The following SP100 variants were observed in gnomAD, a reference collection of about 807,000 sequenced individuals.
SP100 encodes the protein SP100 nuclear body protein, also known as nuclear autoantigen Sp-100.
SP100 carries 84 observed loss-of-function variants against 130.0 expected under a neutral mutation model. That is an observed-to-expected ratio of 0.65 (90% CI 0.54 to 0.77). SP100 has a LOEUF of 0.77. SP100 is among the 30% of genes least tolerant of loss of function. The probability of loss-of-function intolerance (pLI) is 0.00; values close to 1 mark genes in which losing one functional copy is unlikely to be tolerated. For synonymous variants in SP100, 331 were observed against 351.7 expected (o/e 0.94, Z 0.66); for missense variants, 978 against 1,052.2 (o/e 0.93, Z 0.97).
At chr2:230,524,016 C>T (rs1691294195) in intron 24 of SP100, among the ~76,000 whole-genome samples, 1 of 151,340 alleles carries the variant, frequency 6.6e-6, no homozygotes, top group Non-Finnish European at 1.5e-5. Flanking sequence ...TTTGAGGTGA[C>T]AGAGCTTGGC....
chr2:230,422,971 A>G (rs1478691250), intron 2 of SP100, among the ~76,000 whole-genome samples: 2 of 152,232 alleles, frequency 1.3e-5, no homozygotes, highest in Non-Finnish European at 2.9e-5. Flanking sequence ...TAGCAGAACT[A>G]TAGCAGCCTC....
At chr2:230,509,107 C>T (rs1690384838) in intron 23 of SP100, 1 of 152,210 alleles carries the variant, frequency 6.6e-6, no homozygotes, top group African/African-American at 2.4e-5. Flanking sequence ...ACAGACCTCA[C>T]TTCTATCTGT....
At chr2:230,520,534 C>A (rs890668) in intron 24 of SP100, 128,076 of 152,150 alleles carry the variant, frequency 0.84, 54,261 homozygotes, top group Middle Eastern at 0.92. Context: ...CCTCTGCAAC[C>A]CCCAGCCAGG....
intron 17 of SP100, among the ~76,000 whole-genome samples, chr2:230,486,744 A>T (rs2066122418): frequency 1.3e-5 from 2 of 152,250 alleles, no homozygotes; most frequent in African/African-American, 4.8e-5. Context: ...ATCCTTGAGG[A>T]ATCACCATAC....
intron 20 of SP100, 38 bp downstream of exon 20, chr2:230,503,148 C>T: frequency 1.4e-6 from 2 of 1,402,352 alleles, no homozygotes; most frequent in South Asian, 1.2e-5. Context: ...CATAATTAAA[C>T]ATTTAATATT....
intron 2 of SP100, among the ~76,000 whole-genome samples, chr2:230,431,445 T>C (rs946924160): frequency 1.3e-5 from 2 of 152,184 alleles, no homozygotes; most frequent in African/African-American, 4.8e-5. Flanking sequence ...CTCTTACCCC[T>C]TCTAATGTGG....
chr2:230,438,742 C>A (rs2063379643), intron 2 of SP100, among the ~76,000 whole-genome samples: 1 of 150,866 alleles, frequency 6.6e-6, no homozygotes, highest in Non-Finnish European at 1.5e-5. Context: ...ATATATATAT[C>A]ACATTTCTTT....
chr2:230,506,713 A>G (rs1172303253), intron 22 of SP100: 8 of 315,076 alleles, frequency 2.5e-5, no homozygotes, highest in Non-Finnish European at 4.2e-5. Flanking sequence ...AAACTGTGCA[A>G]TTTGGTCACA....
chr2:230,472,422 C>T (rs1199245485), intron 15 of SP100, among the ~76,000 whole-genome samples: 4 of 95,764 alleles, frequency 4.2e-5, no homozygotes, highest in Non-Finnish European at 6.1e-5. Context: ...AGCAAGACTC[C>T]GTCTCAAAAA....
intron 21 of SP100, among the ~76,000 whole-genome samples, chr2:230,505,954 A>G (rs796844424): frequency 7.2e-5 from 11 of 152,300 alleles, no homozygotes; most frequent in African/African-American, 2.6e-4. Context: ...CTGACTCTAT[A>G]TCAGGTCTCA....
At chr2:230,532,306 G>A (rs1336335335) in intron 24 of SP100, among the ~76,000 whole-genome samples, 1 of 152,130 alleles carries the variant, frequency 6.6e-6, no homozygotes, top group Non-Finnish European at 1.5e-5. Context: ...GAATAGAAAT[G>A]TTTAAATGAT....
intron 24 of SP100, among the ~76,000 whole-genome samples, chr2:230,529,852 C>A (rs1244145016): frequency 6.6e-6 from 1 of 151,986 alleles, no homozygotes; most frequent in African/African-American, 2.4e-5. Context: ...GAATAAAATA[C>A]CTAGGAATCC....
At position 230,440,571 on chromosome 2, in the gene SP100, G is replaced by A. The variant is rs746686997; in HGVS notation, c.108-2366G>A. ...AATTAAACACATGTAAGTAAATGGAGAGATATACAATGTTAACAGATTGGA... is the reference window on the plus strand; with the variant it reads ...AATTAAACACATGTAAGTAAATGGAAAGATATACAATGTTAACAGATTGGA... On this transcript the variant is annotated intron_variant, in intron 2 of 28. Transcript: ENST00000340126. 5 of 1,385,670 alleles carry A rather than the reference G, an allele frequency of 3.6e-6. No homozygotes were observed. In the South Asian group the frequency reaches 7.5e-5, roughly 21 times the overall value. The allele number at this position is 1,385,670 out of a possible 1,614,324, so 85.8% of individuals were successfully genotyped here.
intron 24 of SP100, among the ~76,000 whole-genome samples, chr2:230,532,631 CAA>C (rs748561759): frequency 6.6e-6 from 1 of 152,096 alleles, no homozygotes; most frequent in Non-Finnish European, 1.5e-5. Context: ...AAAATATCCA[CAA>C]GTGTTTCACT....
chr2:230,427,696 C>A lies in SP100; in HGVS notation c.107+10031C>A, dbSNP rs183281649. Among the ~76,000 whole-genome samples, 42 of 151,652 alleles carry A rather than the reference C, an allele frequency of 2.8e-4. 2 individuals are homozygous for A. The highest frequency in any genetic ancestry group is 2.2e-3 in the Admixed American group (34 of 15,234). ...ACTTTTGAAATGATATACTTTGATT[C>A]CTTTCTCTTAATCTTATCTACTACA... is the stretch of plus-strand genomic sequence containing the variant. On this transcript the variant is annotated intron_variant, in intron 2 of 28. Transcript: ENST00000340126.
chr2:230,526,968 C>T (rs552166670), intron 24 of SP100, among the ~76,000 whole-genome samples: 20 of 152,212 alleles, frequency 1.3e-4, no homozygotes, highest in African/African-American at 3.4e-4. Context: ...CTGAAAGTGA[C>T]GGGGAGAATG....
At chr2:230,498,229 T>C (rs1436422378) in intron 18 of SP100, among the ~76,000 whole-genome samples, 1 of 152,098 alleles carries the variant, frequency 6.6e-6, no homozygotes, top group Non-Finnish European at 1.5e-5. Context: ...TTAAAATTAA[T>C]GTTGGGGGGA....
At chr2:230,419,425 C>T (rs2062707581) in intron 2 of SP100, among the ~76,000 whole-genome samples, 2 of 152,182 alleles carry the variant, frequency 1.3e-5, no homozygotes, top group Non-Finnish European at 2.9e-5. Flanking sequence ...ATCAGATCGA[C>T]TGTCCTGGTA....
At chr2:230,425,489 C>A (rs1301995021) in intron 2 of SP100, among the ~76,000 whole-genome samples, 1 of 152,046 alleles carries the variant, frequency 6.6e-6, no homozygotes, top group African/African-American at 2.4e-5. Flanking sequence ...TTTTCAAATC[C>A]TTTTTCTGTG....
Sources: allele counts gnomAD v4.1 joint callset (sites outside exome capture counted in the v4.1 genomes callset), GRCh38; gene constraint gnomAD v4.1.1; transcripts MANE v1.5; gene names NCBI Gene and HGNC (gene_info 2026-07-23, HGNC 2026-07-21).